BCKDHB: variants seen among roughly 807,000 people sequenced by gnomAD.
BCKDHB encodes 2-oxoisovalerate dehydrogenase subunit beta, mitochondrial.
BCKDHB carries 41 observed loss-of-function variants against 48.5 expected under a neutral mutation model. The ratio of observed to expected loss-of-function variants is 0.85; its 90% CI spans 0.66 to 1.10. The LOEUF (loss-of-function observed/expected upper bound fraction) is 1.10. Among genes scored for constraint, BCKDHB ranks in the 50% least tolerant of loss-of-function variants. BCKDHB has a pLI of 0.00. For synonymous variants in BCKDHB, 201 were observed against 174.8 expected, an observed-to-expected ratio of 1.15 and a Z score of -1.18; for missense variants, 496 against 494.2, an observed-to-expected ratio of 1.00 and a Z score of -0.03.
chr6:80,401,711 C>T, the BCKDHB span, among the ~76,000 whole-genome samples: 1 of 151,680 alleles, frequency 6.6e-6, no homozygotes, highest in East Asian at 1.9e-4. Context: ...AAATTTTGTA[C>T]CCTTTAACTG....
the BCKDHB span, among the ~76,000 whole-genome samples, chr6:80,422,722 T>C: frequency 6.6e-6 from 1 of 152,212 alleles, no homozygotes. Context: ...GTTTTGAACT[T>C]GCATAGGGAT....
At position 80,264,170 on chromosome 6, in the gene BCKDHB, T is replaced by G. The variant is rs553607479; in HGVS notation, c.952-8965T>G. Reference sequence around the variant, plus strand: ...AATTAATTTCTTTCTTTCTTGGGTATGCTTTGCCCTAGGGCATTGTGGCAA... The same window carrying G: ...AATTAATTTCTTTCTTTCTTGGGTAGGCTTTGCCCTAGGGCATTGTGGCAA... On this transcript the variant is annotated intron_variant, in intron 8 of 9. Transcript: ENST00000320393. Among the ~76,000 whole-genome samples the G allele has an allele frequency of 2.0e-5, 3 of 152,348 alleles. No individual in the cohort carries two copies. In the East Asian group the frequency reaches 5.8e-4, roughly 29 times the overall value.
the BCKDHB span, among the ~76,000 whole-genome samples, chr6:80,434,746 A>C: frequency 2.6e-5 from 4 of 152,128 alleles, no homozygotes; most frequent in African/African-American, 9.7e-5. Flanking sequence ...AACTCTACCC[A>C]ATTTCCTATA....
At position 80,307,490 on chromosome 6, in the gene BCKDHB, A is replaced by ACC. The variant is rs1582543286; in HGVS notation, c.1038+34273_1038+34274dup. The stretch of plus-strand genomic sequence containing the variant: ...TTTCTATTACATTTTTTTCAGATAT[A>ACC]CCCCCATGAAAGAACCTCTGTTAAA... On this transcript the variant is annotated intron_variant, in intron 9 of 9. Transcript: ENST00000320393. 3.0e-6 allele frequency: 3 copies of ACC among 984,896 alleles called. No homozygotes were observed. In the African/African-American group the frequency reaches 5.2e-5, roughly 17 times the overall value. 61.0% of individuals were successfully genotyped at this position (984,896 alleles called of 1,614,324 possible).
chr6:80,349,188 C>T (rs777775998), downstream of BCKDHB, among the ~76,000 whole-genome samples: 10 of 152,198 alleles, frequency 6.6e-5, no homozygotes, highest in Non-Finnish European at 1.5e-4. Flanking sequence ...AAGAGTGTAA[C>T]TGCATTATTC....
intron 9 of BCKDHB, among the ~76,000 whole-genome samples, chr6:80,318,984 A>G (rs1257749545): frequency 6.6e-6 from 1 of 152,188 alleles, no homozygotes; most frequent in Non-Finnish European, 1.5e-5. Flanking sequence ...GTGTATATTT[A>G]TATATGTGTG....
intron 5 of BCKDHB, among the ~76,000 whole-genome samples, chr6:80,170,763 A>AGG (rs1321704982): frequency 7.2e-5 from 11 of 152,146 alleles, no homozygotes; most frequent in African/African-American, 2.4e-4. Flanking sequence ...TTTGCTATAT[A>AGG]ACTGGACACT....
At chr6:80,349,766 G>A (rs73467558), downstream of BCKDHB, among the ~76,000 whole-genome samples, 707 of 152,254 alleles carry the variant, frequency 4.6e-3, 4 homozygotes, top group African/African-American at 0.016. Context: ...CAAATGTGTA[G>A]TATTAAAATA....
At chr6:80,110,542 A>T (rs1769359733) in intron 1 of BCKDHB, among the ~76,000 whole-genome samples, 1 of 152,200 alleles carries the variant, frequency 6.6e-6, no homozygotes, top group Non-Finnish European at 1.5e-5. Context: ...ACCCTGAGGG[A>T]GAACTGTCCA....
chr6:80,115,800 C>T (rs1769667426), intron 1 of BCKDHB, among the ~76,000 whole-genome samples: 1 of 152,138 alleles, frequency 6.6e-6, no homozygotes, highest in Middle Eastern at 3.4e-3. Context: ...CCACGCCTGG[C>T]TAATTTTTTG....
At chr6:80,267,397 T>G (rs1777557827) in intron 8 of BCKDHB, among the ~76,000 whole-genome samples, 1 of 151,976 alleles carries the variant, frequency 6.6e-6, no homozygotes, top group South Asian at 2.1e-4. Context: ...ATAGACAATC[T>G]GACAAGAAAA....
At chr6:80,122,745 G>T (rs1200539913) in intron 1 of BCKDHB, among the ~76,000 whole-genome samples, 1 of 152,150 alleles carries the variant, frequency 6.6e-6, no homozygotes, top group East Asian at 1.9e-4. Flanking sequence ...ACTGATAAGG[G>T]TCTATCTTCA....
intron 9 of BCKDHB, among the ~76,000 whole-genome samples, chr6:80,339,662 T>C (rs2128016755): frequency 6.6e-6 from 1 of 152,324 alleles, no homozygotes; most frequent in Non-Finnish European, 1.5e-5. Context: ...GCTCTGTGTA[T>C]TACCTTCATG....
chr6:80,217,824 C>T (rs1775241790), intron 8 of BCKDHB, among the ~76,000 whole-genome samples: 1 of 152,144 alleles, frequency 6.6e-6, no homozygotes. Flanking sequence ...GTGCGTGTAG[C>T]AAACCACTTA....
the BCKDHB span, among the ~76,000 whole-genome samples, chr6:80,381,690 A>G: frequency 6.6e-6 from 1 of 152,220 alleles, no homozygotes; most frequent in Admixed American, 6.5e-5. Context: ...TTTTAAAATA[A>G]ATTCTGCATT....
the BCKDHB span, among the ~76,000 whole-genome samples, chr6:80,414,126 T>A: frequency 1.3e-5 from 2 of 152,162 alleles, no homozygotes; most frequent in Admixed American, 6.5e-5. Flanking sequence ...TGTATAATAT[T>A]TGCCCACTTT....
intron 8 of BCKDHB, among the ~76,000 whole-genome samples, chr6:80,205,208 C>T (rs1774586529): frequency 6.6e-6 from 1 of 151,922 alleles, no homozygotes; most frequent in East Asian, 1.9e-4. Flanking sequence ...GGCCCTATAA[C>T]CAAATATTTA....
intron 9 of BCKDHB, among the ~76,000 whole-genome samples, chr6:80,338,537 T>A (rs1769718550): frequency 6.6e-6 from 1 of 152,206 alleles, no homozygotes; most frequent in Admixed American, 6.5e-5. Context: ...GCCTTACGTA[T>A]TTTTGGTATT....
At chr6:80,362,636 A>G in the BCKDHB span, among the ~76,000 whole-genome samples, 7 of 152,192 alleles carry the variant, frequency 4.6e-5, no homozygotes, top group Non-Finnish European at 8.8e-5. Context: ...GCTGGAAGAG[A>G]AAGTCTTGAG....
Sources: gnomAD v4.1 joint callset for allele counts (sites outside exome capture counted in the v4.1 genomes callset) on GRCh38, gnomAD v4.1.1 for gene constraint, MANE v1.5 for transcripts, NCBI Gene and HGNC (gene_info 2026-07-23, HGNC 2026-07-21) for gene names.